The following RSRC1 variants were observed in gnomAD, a reference collection of about 807,000 sequenced individuals.
RSRC1 encodes arginine and serine rich coiled-coil 1.
Under a neutral mutation model 49.1 loss-of-function variants are expected in RSRC1, and 39 were observed. The ratio of observed to expected loss-of-function variants is 0.79; its 90% CI spans 0.61 to 1.04. RSRC1 has a LOEUF of 1.04. Among genes scored for constraint, RSRC1 ranks in the 50% least tolerant of loss-of-function variants. The probability of loss-of-function intolerance (pLI) is 0.00; values close to 1 mark genes in which losing one functional copy is unlikely to be tolerated. For synonymous variants in RSRC1, 143 were observed against 130.8 expected (o/e 1.09, Z -0.63); for missense variants, 388 against 402.4 (o/e 0.96, Z 0.31).
intron 7 of RSRC1, among the ~76,000 whole-genome samples, chr3:158,518,108 G>A (rs1475150007): frequency 1.3e-4 from 10 of 77,368 alleles, no homozygotes; most frequent in South Asian, 4.6e-4. Context: ...GTGTGTGTGT[G>A]TGTGTGTGTG....
intron 5 of RSRC1, among the ~76,000 whole-genome samples, chr3:158,315,910 G>A (rs978396150): frequency 2.0e-5 from 3 of 152,088 alleles, no homozygotes; most frequent in Admixed American, 6.5e-5. Flanking sequence ...GGTGGCTCAC[G>A]CCTGCAATCC....
intron 3 of RSRC1, among the ~76,000 whole-genome samples, chr3:158,147,985 T>G (rs994687822): frequency 6.6e-6 from 1 of 152,240 alleles, no homozygotes; most frequent in Non-Finnish European, 1.5e-5. Context: ...TTCTAAACTC[T>G]TATTCTTAAT....
At chr3:158,408,006 C>T (rs1210709001) in intron 6 of RSRC1, among the ~76,000 whole-genome samples, 3 of 152,070 alleles carry the variant, frequency 2.0e-5, no homozygotes, top group African/African-American at 7.2e-5. Context: ...ATGATTTTTA[C>T]AAGTTAGATA....
At chr3:158,470,454 G>T (rs1296132938) in intron 7 of RSRC1, among the ~76,000 whole-genome samples, 3 of 151,334 alleles carry the variant, frequency 2.0e-5, no homozygotes, top group African/African-American at 7.3e-5. Context: ...GGATTAAGTG[G>T]TATGCTATGT....
chr3:158,159,354 T>C (rs1471869069), intron 3 of RSRC1, among the ~76,000 whole-genome samples: 1 of 152,180 alleles, frequency 6.6e-6, no homozygotes, highest in Non-Finnish European at 1.5e-5. Context: ...AAGGGACTTT[T>C]GAAATAAGAG....
At chr3:158,505,895 A>G (rs1045829144) in intron 7 of RSRC1, among the ~76,000 whole-genome samples, 9 of 152,174 alleles carry the variant, frequency 5.9e-5, no homozygotes, top group African/African-American at 2.2e-4. Context: ...GCTGAAACCA[A>G]GTGATTCATG....
In RSRC1 at chr3:158,304,391, G is replaced by A. The variant is rs559445823; in HGVS notation, c.531+6316G>A. On this transcript the variant is annotated intron_variant, in intron 5 of 9. Transcript: ENST00000611884. ...TCTATTTAACACAAGCATAAACACA[G>A]TTAATGGATCATTATCATACTTTTG... Among the ~76,000 whole-genome samples the A allele has an allele frequency of 3.9e-5, 6 of 152,208 alleles. No homozygotes were observed. In the South Asian group the frequency reaches 1.2e-3, roughly 31 times the overall value.
chr3:158,285,293 G>A (rs1388111688), intron 4 of RSRC1, among the ~76,000 whole-genome samples: 1 of 152,186 alleles, frequency 6.6e-6, no homozygotes, highest in East Asian at 1.9e-4. Context: ...TTTGGTTACT[G>A]TAGCCTTGTC....
chr3:158,123,187 A>G lies in RSRC1; in HGVS notation c.195-679A>G, dbSNP rs1412365531. 2.6e-5 allele frequency among the ~76,000 whole-genome samples: 4 copies of G among 152,276 alleles called. No homozygotes were observed. In the South Asian group the frequency reaches 8.3e-4, roughly 32 times the overall value. On this transcript the variant is annotated intron_variant, in intron 2 of 9. Coordinates refer to ENST00000611884, the MANE Select transcript of RSRC1 (RefSeq NM_001271838.2). ...TATGCCCAGCTAGTTTTGTATTTTT[A>G]GTAGAGACAGGGTTTCACCATGTTG...
chr3:158,522,421 C>T (rs1455796519), intron 7 of RSRC1, among the ~76,000 whole-genome samples: 1 of 152,042 alleles, frequency 6.6e-6, no homozygotes, highest in Non-Finnish European at 1.5e-5. Flanking sequence ...ATTCTTCCAC[C>T]ACAGCCTTCC....
intron 4 of RSRC1, among the ~76,000 whole-genome samples, chr3:158,244,563 G>T (rs550865805): frequency 1.2e-4 from 19 of 152,276 alleles, no homozygotes; most frequent in Non-Finnish European, 2.4e-4. Context: ...GTTCATCAAG[G>T]ATATTGGCCT....
intron 4 of RSRC1, chr3:158,225,759 G>GA: frequency 2.3e-6 from 1 of 430,762 alleles, no homozygotes; most frequent in Non-Finnish European, 4.6e-6. Flanking sequence ...CAAGCCCTTA[G>GA]AAACATTTTT....
chr3:158,418,080 T>C (rs1734842132), intron 6 of RSRC1, among the ~76,000 whole-genome samples: 1 of 152,008 alleles, frequency 6.6e-6, no homozygotes, highest in Non-Finnish European at 1.5e-5. Context: ...TAAAAAGTGG[T>C]AAACACACAA....
At chr3:158,312,820 TG>T (rs2108147475) in intron 5 of RSRC1, among the ~76,000 whole-genome samples, 1 of 152,270 alleles carries the variant, frequency 6.6e-6, no homozygotes, top group Admixed American at 6.5e-5. Flanking sequence ...GCCACTGCTC[TG>T]GTTAAAGCTT....
At chr3:158,297,510 G>T (rs1340242010) in intron 4 of RSRC1, among the ~76,000 whole-genome samples, 2 of 151,874 alleles carry the variant, frequency 1.3e-5, no homozygotes, top group African/African-American at 2.4e-5. Context: ...AATGACAGGA[G>T]AAAATAGGAT....
At chr3:158,362,847 A>G (rs1277819951) in intron 6 of RSRC1, among the ~76,000 whole-genome samples, 1 of 152,232 alleles carries the variant, frequency 6.6e-6, no homozygotes, top group Non-Finnish European at 1.5e-5. Context: ...AGATTTTTCC[A>G]AAAGATATTT....
Position 158,477,798 on chromosome 3 carries a change from T to TTTTATATATATA in RSRC1, c.652+16796_652+16797insTTATATATATAT, listed in dbSNP as rs1485762587. 6.0e-3 allele frequency among the ~76,000 whole-genome samples: 536 copies of TTTTATATATATA among 89,736 alleles called. 51 individuals carry two copies. The highest frequency in any genetic ancestry group is 0.02 in the African/African-American group (442 of 21,622). 58.9% of individuals were successfully genotyped at this position (89,736 alleles called of 152,430 possible). On this transcript the variant is annotated intron_variant, in intron 7 of 9. Coordinates refer to ENST00000611884, the MANE Select transcript of RSRC1 (RefSeq NM_001271838.2). ...TGATGGGATAGGTTGCGGGAGGGATTTATATATATATATATATATATATAT... is the reference window on the plus strand; with the variant it reads ...TGATGGGATAGGTTGCGGGAGGGATTTTTATATATATATATATATATATATATATATATATAT...
In RSRC1 at chr3:158,314,988, T is replaced by C. The variant is rs143879550; in HGVS notation, c.531+16913T>C. ...CAGAGGTTGCCGTGAGCCAAGATTG[T>C]GCCACTGCAATCCAGCCTGGGCAAC... On this transcript the variant is annotated intron_variant, in intron 5 of 9. Transcript: ENST00000611884. Among the ~76,000 whole-genome samples, 336 of 150,880 alleles carry C rather than the reference T, an allele frequency of 2.2e-3. 1 individual carries two copies. The highest frequency in any genetic ancestry group is 7.9e-3 in the African/African-American group (324 of 41,014).
At chr3:158,207,103 A>G (rs1721382495) in intron 4 of RSRC1, among the ~76,000 whole-genome samples, 1 of 152,168 alleles carries the variant, frequency 6.6e-6, no homozygotes, top group South Asian at 2.1e-4. Context: ...TTAGGCTTCT[A>G]ATTCAAATGG....
Sources: allele counts gnomAD v4.1 joint callset (sites outside exome capture counted in the v4.1 genomes callset), GRCh38; gene constraint gnomAD v4.1.1; transcripts MANE v1.5; gene names NCBI Gene and HGNC (gene_info 2026-07-23, HGNC 2026-07-21).